EIF4G3: variants seen among roughly 807,000 people sequenced by gnomAD.
The protein encoded by EIF4G3 is eukaryotic translation initiation factor 4 gamma 3.
In EIF4G3, 34 loss-of-function variants were observed where a neutral mutation model predicts 186.4. The observed-to-expected ratio is 0.18, with a 90% CI of 0.14 to 0.24. The LOEUF (loss-of-function observed/expected upper bound fraction) is 0.24. Among genes scored for constraint, EIF4G3 ranks in the 10% least tolerant of loss-of-function variants. The probability of loss-of-function intolerance (pLI) is 1.00; values close to 1 mark genes in which losing one functional copy is unlikely to be tolerated. For missense variants in EIF4G3, 1,536 were observed against 1,948.5 expected, an observed-to-expected ratio of 0.79 and a Z score of 3.99; for synonymous variants, 673 against 679.5, an observed-to-expected ratio of 0.99 and a Z score of 0.15.
At chr1:20,862,378 C>A (rs17409373) in intron 22 of EIF4G3, 46 bp from the exon 23 acceptor site, 422,689 of 1,179,264 alleles carry the variant, frequency 0.36, 79,088 homozygotes, top group Non-Finnish European at 0.39. Context: ...GAAACTTAAA[C>A]GTAATTTTAC....
At chr1:20,876,309 G>A (rs1417316630) in intron 20 of EIF4G3, among the ~76,000 whole-genome samples, 1 of 149,258 alleles carries the variant, frequency 6.7e-6, no homozygotes, top group Non-Finnish European at 1.5e-5. Context: ...ATGAGAGAGA[G>A]AGATAGAGAG....
chr1:21,011,209 TA>T (rs970430807), intron 4 of EIF4G3, among the ~76,000 whole-genome samples: 40 of 145,398 alleles, frequency 2.8e-4, no homozygotes, highest in Admixed American at 5.5e-4. Context: ...AACTTTTTTT[TA>T]AAAAAAAAAA....
At chr1:21,117,280 A>G (rs796086496) in intron 2 of EIF4G3, among the ~76,000 whole-genome samples, 6 of 152,248 alleles carry the variant, frequency 3.9e-5, no homozygotes, top group African/African-American at 1.4e-4. Context: ...TGGCACTGGT[A>G]AAAGATTCTT....
At chr1:20,945,613 G>A (rs187409370) in intron 13 of EIF4G3, among the ~76,000 whole-genome samples, 6 of 152,110 alleles carry the variant, frequency 3.9e-5, no homozygotes, top group Admixed American at 1.3e-4. Flanking sequence ...CCACATGTAC[G>A]AGCCACCATA....
chr1:21,154,793 T>G (rs1406806287), intron 2 of EIF4G3, among the ~76,000 whole-genome samples: 1 of 152,204 alleles, frequency 6.6e-6, no homozygotes, highest in African/African-American at 2.4e-5. Context: ...ATATATCTCT[T>G]TAGCAGTATG....
intron 3 of EIF4G3, among the ~76,000 whole-genome samples, chr1:21,081,906 G>T (rs541727904): frequency 6.6e-6 from 1 of 152,112 alleles, no homozygotes; most frequent in East Asian, 1.9e-4. Context: ...GCCTCTCAAA[G>T]TGCTGGGATC....
rs2065782926 is a variant in EIF4G3 at position 20,833,106 on chromosome 1, T to A, written c.4062-3834A>T. ...CTTGGCGATGCGGGCTCTTTTTTGG[T>A]TCCATATGAACTTTAAAGTAGTTTT... On this transcript the variant is annotated intron_variant, in intron 30 of 36. Transcript: ENST00000602326. Among the ~76,000 whole-genome samples, 4 of 117,066 alleles carry A rather than the reference T, an allele frequency of 3.4e-5. 1 individual carries two copies. In the East Asian group the frequency reaches 9.5e-4, roughly 28 times the overall value. The allele number at this position is 117,066 out of a possible 152,430, so 76.8% of individuals were successfully genotyped here. A position where few individuals can be genotyped will look rare whatever the true frequency, so the allele number is the denominator to read the frequency against.
intron 30 of EIF4G3, among the ~76,000 whole-genome samples, chr1:20,838,056 T>C (rs892339017): frequency 6.6e-6 from 1 of 152,178 alleles, no homozygotes; most frequent in African/African-American, 2.4e-5. Flanking sequence ...CCTCATTTTA[T>C]GTCTAAATAA....
intron 12 of EIF4G3, among the ~76,000 whole-genome samples, chr1:20,951,765 G>T (rs1000211355): frequency 1.3e-5 from 2 of 151,960 alleles, no homozygotes; most frequent in Non-Finnish European, 2.9e-5. Context: ...GGGGGGCAGG[G>T]TAAGTGCTAA....
At chr1:20,929,639 A>G (rs562794711) in intron 14 of EIF4G3, 2 of 152,332 alleles carry the variant, frequency 1.3e-5, no homozygotes, top group South Asian at 4.1e-4. Context: ...AGTGCTTAAT[A>G]TGTGTCAGAT....
chr1:20,861,175 G>T (rs1435761737), intron 23 of EIF4G3, among the ~76,000 whole-genome samples: 1 of 152,202 alleles, frequency 6.6e-6, no homozygotes, highest in Non-Finnish European at 1.5e-5. Context: ...TCTAGTCTTA[G>T]CAAGATAAAG....
At chr1:20,811,151 A>AC (rs1225955752) in intron 35 of EIF4G3, among the ~76,000 whole-genome samples, 2 of 151,498 alleles carry the variant, frequency 1.3e-5, no homozygotes, top group South Asian at 2.1e-4. Context: ...ACAGGGTTTC[A>AC]CCATGTTGGT....
intron 4 of EIF4G3, among the ~76,000 whole-genome samples, chr1:21,023,066 G>A (rs2091130971): frequency 6.6e-6 from 1 of 152,194 alleles, no homozygotes; most frequent in Admixed American, 6.5e-5. Flanking sequence ...GACTTCAGAT[G>A]TAGCAATCTA....
At chr1:21,022,555 C>G (rs1024170813) in intron 4 of EIF4G3, among the ~76,000 whole-genome samples, 1 of 152,200 alleles carries the variant, frequency 6.6e-6, no homozygotes, top group African/African-American at 2.4e-5. Flanking sequence ...GGCTTCTTTT[C>G]CCATTCCCAC....
intron 2 of EIF4G3, among the ~76,000 whole-genome samples, chr1:21,166,825 A>C (rs1443655485): frequency 6.6e-6 from 1 of 152,110 alleles, no homozygotes; most frequent in African/African-American, 2.4e-5. Flanking sequence ...TCTGTCACCC[A>C]GGCTGGAGTG....
chr1:20,826,779 C>T (rs1395097924), intron 32 of EIF4G3, among the ~76,000 whole-genome samples: 1 of 151,996 alleles, frequency 6.6e-6, no homozygotes, highest in Admixed American at 6.5e-5. Context: ...TGAATCACTG[C>T]GCCCGGCCAG....
chr1:21,116,770 C>T (rs1254780786), intron 2 of EIF4G3, among the ~76,000 whole-genome samples: 4 of 148,694 alleles, frequency 2.7e-5, no homozygotes, highest in Non-Finnish European at 5.9e-5. Context: ...ACCCAGGAGG[C>T]GGATGTTGCA....
intron 4 of EIF4G3, among the ~76,000 whole-genome samples, chr1:21,012,230 A>G (rs1157041278): frequency 6.6e-6 from 1 of 152,286 alleles, no homozygotes; most frequent in East Asian, 1.9e-4. Context: ...TTACTATTCC[A>G]TATTTCCACA....
At chr1:21,163,115 A>G (rs907326215) in intron 2 of EIF4G3, among the ~76,000 whole-genome samples, 1 of 152,228 alleles carries the variant, frequency 6.6e-6, no homozygotes, top group Non-Finnish European at 1.5e-5. Flanking sequence ...AAGGAAAAAT[A>G]AGCTAATGCA....
Sources: allele counts gnomAD v4.1 joint callset (sites outside exome capture counted in the v4.1 genomes callset), GRCh38; gene constraint gnomAD v4.1.1; transcripts MANE v1.5; gene names NCBI Gene and HGNC (gene_info 2026-07-23, HGNC 2026-07-21).